Variants in SFXN2 observed in about 807,000 individuals in gnomAD.
The protein encoded by SFXN2 is sideroflexin-2.
SFXN2 carries 37 observed loss-of-function variants against 41.9 expected under a neutral mutation model. The observed-to-expected ratio is 0.88, with a 90% CI of 0.68 to 1.16. SFXN2 has a LOEUF of 1.16. Ranked by LOEUF, SFXN2 falls within the 50% of genes most tolerant of loss-of-function variation. The pLI, the probability that SFXN2 is intolerant of heterozygous loss-of-function variation, is 0.00. For missense variants in SFXN2, 386 were observed against 425.2 expected, an observed-to-expected ratio of 0.91 and a Z score of 0.81; for synonymous variants, 150 against 156.7, an observed-to-expected ratio of 0.96 and a Z score of 0.32.
intron 1 of SFXN2, among the ~76,000 whole-genome samples, chr10:102,722,379 C>T (rs2064521314): frequency 6.6e-6 from 1 of 152,160 alleles, no homozygotes; most frequent in Admixed American, 6.5e-5. Flanking sequence ...CCCAATTCTC[C>T]CCTCCTGTCC....
chr10:102,716,069 A>G (rs180762022), intron 1 of SFXN2, among the ~76,000 whole-genome samples: 3 of 152,254 alleles, frequency 2.0e-5, no homozygotes, highest in South Asian at 2.1e-4. Context: ...ACAAACCCCT[A>G]TAATCTACTC....
chr10:102,731,530 C>A (rs755790522), intron 6 of SFXN2, among the ~76,000 whole-genome samples, 193 bp from the exon 7 acceptor site: 1 of 152,126 alleles, frequency 6.6e-6, no homozygotes, highest in Non-Finnish European at 1.5e-5. Context: ...CCAGGGCCAC[C>A]GCTCTCAGCC....
chr10:102,727,307 T>A, intron 3 of SFXN2, 150 bp downstream of exon 3: 2 of 761,728 alleles, frequency 2.6e-6, no homozygotes, highest in Non-Finnish European at 4.1e-6. Context: ...TTGCTTCATT[T>A]AACCCTCGCA....
rs775073413 is a variant in SFXN2, at chr10:102,732,872, C to T, written c.735C>T (p.Val245=). 1 of 1,614,158 alleles carries T rather than the reference C, an allele frequency of 6.2e-7. No homozygotes were observed. Among genetic ancestry groups the T allele is most frequent in the South Asian group, 1.1e-5 (1 of 91,064 alleles). The change falls in exon 9 of 12, where the codon GTC becomes GTT. Residue 245 remains valine (V), a synonymous_variant. Transcript: ENST00000369893. The part of the protein sequence containing the change: ...MSAPGMILLP[V]IMERLEKLHF... ...GGTCTCTTCCAGTCTTGCTGCCAGT[C>T]ATCATGGAAAGGCTTGAGAAATTGC...
chr10:102,725,451 A>G (rs534953380), intron 1 of SFXN2, among the ~76,000 whole-genome samples: 2 of 152,150 alleles, frequency 1.3e-5, no homozygotes, highest in African/African-American at 2.4e-5. Context: ...GCTGGGCATG[A>G]TAGTGCATGC....
chr10:102,726,558 C>T lies in SFXN2; in HGVS notation c.-25-54C>T. ...TGCAACAGTGGGACGTGCTCAGGTC[C>T]TCTGTGGTGGGCTTTGATTTAGGGG... is the stretch of plus-strand genomic sequence containing the variant. On this transcript the variant is annotated intron_variant, in intron 1 of 11. Transcript: ENST00000369893. The T allele has an allele frequency of 6.4e-6, 10 of 1,572,028 alleles. 1 individual carries two copies. The South Asian group carries it at 8.3e-5, about 13-fold the overall frequency.
At chr10:102,716,889 A>G (rs1282643483) in intron 1 of SFXN2, among the ~76,000 whole-genome samples, 14 of 151,936 alleles carry the variant, frequency 9.2e-5, no homozygotes. Context: ...CAAGTAGGCT[A>G]TAGTGGATAG....
At position 102,726,624 on chromosome 10, in the gene SFXN2, A is replaced by G; in HGVS notation, c.-13A>G. The G allele has an allele frequency of 6.2e-7, 1 of 1,614,006 alleles. No homozygotes were observed. Among genetic ancestry groups the G allele is most frequent in the Non-Finnish European group, 8.5e-7 (1 of 1,179,946 alleles). On this transcript the variant is annotated 5_prime_UTR_variant, in exon 2 of 12. It removes an upstream start codon present in the reference 5' UTR. Transcript: ENST00000369893. ...CTTTGTCCCTTAGGTCCACAGTTTT[A>G]TGTGTGAGCAAGATGGAGGCTGACC...
chr10:102,718,515 G>C (rs1158221990), intron 1 of SFXN2, among the ~76,000 whole-genome samples: 3 of 152,262 alleles, frequency 2.0e-5, no homozygotes, highest in Non-Finnish European at 4.4e-5. Context: ...CAGCCTGCAG[G>C]AGGCCAGGTG....
rs1052437503 is a variant in SFXN2 at position 102,738,516 on chromosome 10, C to G, written c.*754C>G. ...TTCACCATGCTGGCCAGACTGGTCT[C>G]GAACTCCTGACCTCAGGTGATCCGC... On this transcript the variant is annotated 3_prime_UTR_variant, in exon 12 of 12. Transcript: ENST00000369893. The G allele has an allele frequency of 6.6e-6, 1 of 152,016 alleles. No homozygotes were observed. Among genetic ancestry groups the G allele is most frequent in the South Asian group, 2.1e-4 (1 of 4,830 alleles). The allele number at this position is 152,016 out of a possible 1,614,324, so 9.4% of individuals were successfully genotyped here. A position where few individuals can be genotyped will look rare whatever the true frequency, so the allele number is the denominator to read the frequency against.
At chr10:102,724,165 C>T (rs1346960162) in intron 1 of SFXN2, among the ~76,000 whole-genome samples, 1 of 152,192 alleles carries the variant, frequency 6.6e-6, no homozygotes, top group East Asian at 1.9e-4. Context: ...ATCCATGTCC[C>T]TGCAAAGGAC....
At chr10:102,730,497 A>G (rs935057221) in intron 6 of SFXN2, among the ~76,000 whole-genome samples, 11 of 152,388 alleles carry the variant, frequency 7.2e-5, no homozygotes, top group Admixed American at 6.5e-4. Context: ...AAATGTTCAC[A>G]CTAGTCTTTG....
chr10:102,733,287 A>C (rs1441446253), intron 9 of SFXN2, among the ~76,000 whole-genome samples: 1 of 149,400 alleles, frequency 6.7e-6, no homozygotes, highest in Non-Finnish European at 1.5e-5. Flanking sequence ...AGCTGGGACT[A>C]CAGGTGCCTG....
intron 1 of SFXN2, among the ~76,000 whole-genome samples, chr10:102,720,075 G>A (rs1445755252): frequency 6.6e-6 from 1 of 152,048 alleles, no homozygotes; most frequent in African/African-American, 2.4e-5. Context: ...AATGGGTCAC[G>A]AGGTCAGGAG....
intron 1 of SFXN2, among the ~76,000 whole-genome samples, chr10:102,724,695 C>T (rs1465150164): frequency 2.0e-5 from 3 of 151,102 alleles, no homozygotes; most frequent in Admixed American, 6.6e-5. Flanking sequence ...AGCAAGACTC[C>T]GTCTCAAAAA....
At chr10:102,715,584 G>T (rs1368796202) in intron 1 of SFXN2, among the ~76,000 whole-genome samples, 1 of 152,142 alleles carries the variant, frequency 6.6e-6, no homozygotes, top group Non-Finnish European at 1.5e-5. Flanking sequence ...AAATCAGCCC[G>T]TATGGAAATT....
Position 102,726,632 on chromosome 10 carries a change from G to C in SFXN2, c.-5G>C. On this transcript the variant is annotated 5_prime_UTR_variant, in exon 2 of 12. Transcript: ENST00000369893. ...CTTAGGTCCACAGTTTTATGTGTGA[G>C]CAAGATGGAGGCTGACCTGTCTGGC... 6.2e-7 allele frequency: 1 copy of C among 1,614,078 alleles called. No homozygotes were observed. Among genetic ancestry groups the C allele is most frequent in the Non-Finnish European group, 8.5e-7 (1 of 1,179,976 alleles).
chr10:102,729,962 T>C (rs2064676919), intron 6 of SFXN2, among the ~76,000 whole-genome samples, 154 bp downstream of exon 6: 1 of 152,142 alleles, frequency 6.6e-6, no homozygotes, highest in Non-Finnish European at 1.5e-5. Flanking sequence ...GCAGCTCCCA[T>C]GGTGATGGCC....
intron 1 of SFXN2, among the ~76,000 whole-genome samples, chr10:102,723,941 T>C (rs2064550189): frequency 6.6e-6 from 1 of 152,222 alleles, no homozygotes; most frequent in African/African-American, 2.4e-5. Context: ...CTAAGTTTAG[T>C]ACCCATTAGT....
Sources: gnomAD v4.1 joint callset for allele counts (sites outside exome capture counted in the v4.1 genomes callset) on GRCh38, gnomAD v4.1.1 for gene constraint, MANE v1.5 for transcripts, NCBI Gene and HGNC (gene_info 2026-07-23, HGNC 2026-07-21) for gene names.